The following ARSG variants were observed in gnomAD, a reference collection of about 807,000 sequenced individuals.
The protein encoded by ARSG is arylsulfatase G.
ARSG carries 37 observed loss-of-function variants against 50.5 expected under a neutral mutation model. The ratio of observed to expected loss-of-function variants is 0.73; its 90% CI spans 0.56 to 0.96. The LOEUF is 0.96. Ranked by LOEUF, ARSG falls within the 50% of genes least tolerant of loss-of-function variation. The pLI is 0.00. For missense variants in ARSG, 629 were observed against 675.3 expected, an observed-to-expected ratio of 0.93 and a Z score of 0.76; for synonymous variants, 225 against 254.6, an observed-to-expected ratio of 0.88 and a Z score of 1.11.
At chr17:68,269,059 C>A (rs1226286160) in intron 1 of ARSG, 4 of 1,586,716 alleles carry the variant, frequency 2.5e-6, no homozygotes, top group Non-Finnish European at 2.6e-6. Context: ...CCATCCCTCT[C>A]CAGCCAACAC....
chr17:68,440,423 T>C, the ARSG span, among the ~76,000 whole-genome samples: 1 of 152,222 alleles, frequency 6.6e-6, no homozygotes, highest in Non-Finnish European at 1.5e-5. Context: ...TAAGGAAGGA[T>C]ATGGGCTTTA....
the ARSG span, among the ~76,000 whole-genome samples, chr17:68,445,123 T>C: frequency 1.3e-5 from 2 of 152,130 alleles, no homozygotes; most frequent in African/African-American, 4.8e-5. Context: ...TTTCACCATG[T>C]TGATCAGGCT....
chr17:68,289,524 C>T (rs1301133443), upstream of ARSG, among the ~76,000 whole-genome samples: 1 of 152,198 alleles, frequency 6.6e-6, no homozygotes, highest in Non-Finnish European at 1.5e-5. Flanking sequence ...CGAGCAAAAG[C>T]ACTGCGGATT....
At chr17:68,422,063 TTATATG>T, downstream of ARSG, 4 of 538,540 alleles carry the variant, frequency 7.4e-6, no homozygotes, top group South Asian at 8.8e-5. Flanking sequence ...GTGTATGTAT[TTATATG>T]TATATGTATA....
intron 11 of ARSG, among the ~76,000 whole-genome samples, chr17:68,418,119 G>A (rs536201892): frequency 2.0e-5 from 3 of 152,220 alleles, no homozygotes; most frequent in Non-Finnish European, 2.9e-5. Context: ...CTAGAAACTG[G>A]GAGTCTCCTA....
At chr17:68,352,025 A>AGGAG (rs915900790) in intron 5 of ARSG, among the ~76,000 whole-genome samples, 2 of 148,066 alleles carry the variant, frequency 1.4e-5, no homozygotes, top group African/African-American at 4.9e-5. Context: ...ACTGGACATA[A>AGGAG]GGAGGGAGGG....
At chr17:68,318,104 A>G (rs2077142221) in intron 2 of ARSG, among the ~76,000 whole-genome samples, 2 of 6,790 alleles carry the variant, frequency 2.9e-4, no homozygotes, top group Admixed American at 1.5e-3. Context: ...TGTCTTGGAA[A>G]AAAAAAAAAA....
intron 4 of ARSG, 36 bp from the exon 5 acceptor site, chr17:68,351,539 C>T (rs1568504955): frequency 8.1e-7 from 1 of 1,234,130 alleles, no homozygotes; most frequent in Non-Finnish European, 1.2e-6. Context: ...GGAGTCGCAG[C>T]CACGTGGGGG....
the ARSG span, among the ~76,000 whole-genome samples, chr17:68,449,800 T>C: frequency 6.6e-6 from 1 of 152,344 alleles, no homozygotes; most frequent in African/African-American, 2.4e-5. Context: ...TCTCCGGTAG[T>C]TCTTTAGAGT....
chr17:68,366,748 T>A (rs557111556), intron 6 of ARSG, among the ~76,000 whole-genome samples: 146 of 152,208 alleles, frequency 9.6e-4, no homozygotes, highest in African/African-American at 3.4e-3. Flanking sequence ...TATATAATCA[T>A]AAAATGTTAC....
the ARSG span, chr17:68,429,891 G>T: frequency 6.5e-7 from 1 of 1,545,140 alleles, no homozygotes; most frequent in Non-Finnish European, 8.8e-7. Flanking sequence ...GCCCAGCCTG[G>T]GGCAAGTTTT....
downstream of ARSG, chr17:68,424,308 G>T (rs1055926915): frequency 1.1e-4 from 46 of 424,652 alleles, no homozygotes; most frequent in South Asian, 7.6e-4. Flanking sequence ...CCGCAGAGCC[G>T]ATGTGGGAAA....
intron 2 of ARSG, among the ~76,000 whole-genome samples, chr17:68,311,757 C>T (rs569784034): frequency 2.7e-4 from 40 of 150,882 alleles, no homozygotes; most frequent in African/African-American, 9.5e-4. Context: ...GGTACCAGCC[C>T]GGCCGACATC....
At chr17:68,351,047 G>T (rs1047557209) in intron 4 of ARSG, among the ~76,000 whole-genome samples, 2 of 151,926 alleles carry the variant, frequency 1.3e-5, no homozygotes, top group Non-Finnish European at 2.9e-5. Context: ...CATCTCTATC[G>T]GGGGTAACTT....
intron 1 of ARSG, among the ~76,000 whole-genome samples, chr17:68,297,940 GT>G (rs1462534849): frequency 7.2e-6 from 1 of 139,526 alleles, no homozygotes; most frequent in African/African-American, 2.6e-5. Context: ...CTCACATTGT[GT>G]TTGGGGTTGA....
At chr17:68,421,593 A>G (rs1357300963), downstream of ARSG, 1 of 760,738 alleles carries the variant, frequency 1.3e-6, no homozygotes, top group Non-Finnish European at 2.2e-6. Flanking sequence ...CCCATTGGCA[A>G]CCAGGGTCGT....
At chr17:68,416,884 T>A (rs1375526886) in intron 11 of ARSG, among the ~76,000 whole-genome samples, 2 of 152,196 alleles carry the variant, frequency 1.3e-5, no homozygotes, top group East Asian at 3.8e-4. Context: ...TTGTATTGAT[T>A]TTTGGATTTC....
intron 2 of ARSG, among the ~76,000 whole-genome samples, chr17:68,322,629 A>G (rs76263078): frequency 0.013 from 1,516 of 117,252 alleles, 25 homozygotes; most frequent in African/African-American, 0.039. Flanking sequence ...AAAATAAAAT[A>G]AAAAAAAATT....
At chr17:68,294,366 T>G (rs1323669133) in intron 1 of ARSG, among the ~76,000 whole-genome samples, 2 of 152,328 alleles carry the variant, frequency 1.3e-5, no homozygotes, top group South Asian at 2.1e-4. Context: ...TCTGTCCACG[T>G]TTATAGTCCT....
Sources: allele counts gnomAD v4.1 joint callset (sites outside exome capture counted in the v4.1 genomes callset), GRCh38; gene constraint gnomAD v4.1.1; transcripts MANE v1.5; gene names NCBI Gene and HGNC (gene_info 2026-07-23, HGNC 2026-07-21).